The following SRGAP1 variants were observed in gnomAD, a reference collection of about 807,000 sequenced individuals.
SRGAP1 encodes the protein SLIT-ROBO Rho GTPase activating protein 1.
A neutral mutation model predicts 121.9 loss-of-function variants in SRGAP1; 43 were observed. That is an observed-to-expected ratio of 0.35 (90% CI 0.28 to 0.46). SRGAP1 has a LOEUF of 0.46. Ranked by LOEUF, SRGAP1 falls within the 20% of genes least tolerant of loss-of-function variation. The pLI is 1.00. For missense variants in SRGAP1, 1,102 were observed against 1,350.9 expected (o/e 0.82, Z 2.89); for synonymous variants, 447 against 485.4 (o/e 0.92, Z 1.04).
At chr12:63,934,922 G>A (rs1310641215) in intron 1 of SRGAP1, among the ~76,000 whole-genome samples, 1 of 152,054 alleles carries the variant, frequency 6.6e-6, no homozygotes, top group African/African-American at 2.4e-5. Flanking sequence ...AGACATGTTT[G>A]TTCTTGTTTA....
rs781701925 is a variant in SRGAP1, at chr12:63,855,473, GTTTTTTTTTTTTTTT to G, written c.67+10608_67+10622del. On this transcript the variant is annotated intron_variant, in intron 1 of 21. Transcript: ENST00000355086. ...AGCAGCAGTCAACATGAAAAATGGT[GTTTTTTTTTTTTTTT>G]TTTTTTTTTTTTTTTTTGAGGGAGA... Among the ~76,000 whole-genome samples the G allele has an allele frequency of 1.9e-4, 10 of 52,940 alleles. 1 individual carries two copies. Among genetic ancestry groups the G allele is most frequent in the Admixed American group, 1.4e-3 (4 of 2,924 alleles). 34.7% of individuals were successfully genotyped at this position (52,940 alleles called of 152,430 possible).
chr12:64,028,818 G>A (rs7978183), intron 4 of SRGAP1, among the ~76,000 whole-genome samples: 57,666 of 152,042 alleles, frequency 0.38, 11,794 homozygotes, highest in Non-Finnish European at 0.48. Context: ...AACATATGAC[G>A]TTGTGGTGGA....
rs888066609 is a variant in SRGAP1 at position 64,068,805 on chromosome 12, T to G, written c.1125+3586T>G. Among the ~76,000 whole-genome samples the G allele has an allele frequency of 4.0e-5, 6 of 151,054 alleles. 1 individual carries two copies. Among genetic ancestry groups the G allele is most frequent in the Non-Finnish European group, 8.9e-5 (6 of 67,726 alleles). ...CGGGCAGATCTCTTGAGGTCAGGAG[T>G]TCGAGATCAGCCTGGCCAGCATGGC... On this transcript the variant is annotated intron_variant, in intron 8 of 21. Coordinates refer to ENST00000355086, the MANE Select transcript of SRGAP1 (RefSeq NM_020762.4).
intron 1 of SRGAP1, among the ~76,000 whole-genome samples, chr12:63,874,196 T>G (rs188262085): frequency 7.3e-4 from 111 of 152,214 alleles, no homozygotes; most frequent in African/African-American, 2.5e-3. Context: ...TATGGAACCA[T>G]TAGAAAGTAT....
intron 1 of SRGAP1, among the ~76,000 whole-genome samples, chr12:63,896,912 A>G (rs1292459039): frequency 6.6e-6 from 1 of 152,220 alleles, no homozygotes. Flanking sequence ...ACGAAATTAC[A>G]TTTAGAAAAT....
At chr12:63,931,083 A>G (rs1327473585) in intron 1 of SRGAP1, among the ~76,000 whole-genome samples, 3 of 152,178 alleles carry the variant, frequency 2.0e-5, no homozygotes, top group African/African-American at 4.8e-5. Flanking sequence ...GGAATCTTTT[A>G]TAATTGTTAA....
chr12:64,060,637 G>T (rs950433041), intron 6 of SRGAP1, among the ~76,000 whole-genome samples: 2 of 152,124 alleles, frequency 1.3e-5, no homozygotes, highest in Non-Finnish European at 2.9e-5. Context: ...AAATTGGAGG[G>T]TAAAGGTTAG....
rs772793577 is a variant in SRGAP1 at position 64,146,924 on chromosome 12, A to AT, written c.*4253dup. 3.3e-5 allele frequency: 5 copies of AT among 151,806 alleles called. No individual in the cohort carries two copies. The highest frequency in any genetic ancestry group is 5.9e-5 in the Non-Finnish European group (4 of 68,014). The allele number at this position is 151,806 out of a possible 1,614,324, so 9.4% of individuals were successfully genotyped here. On this transcript the variant is annotated 3_prime_UTR_variant, in exon 22 of 22. Transcript: ENST00000355086. Reference sequence around the variant, plus strand: ...AGTCTATGTGGTATAATCGAGATGGATACCTGTGTCTTTAAATTACGTAGG... The same window carrying AT: ...AGTCTATGTGGTATAATCGAGATGGATTACCTGTGTCTTTAAATTACGTAGG...
At chr12:63,991,626 C>T (rs1311289507) in intron 3 of SRGAP1, among the ~76,000 whole-genome samples, 1 of 152,106 alleles carries the variant, frequency 6.6e-6, no homozygotes, top group South Asian at 2.1e-4. Context: ...ATGCAGAGAT[C>T]TCGTTTGGTT....
chr12:63,974,767 G>C (rs918514944), intron 1 of SRGAP1, among the ~76,000 whole-genome samples: 1 of 152,146 alleles, frequency 6.6e-6, no homozygotes, highest in African/African-American at 2.4e-5. Flanking sequence ...TTTTCCTTAA[G>C]ACAGTGACCT....
rs1233587066 is a variant in SRGAP1 at position 64,143,501 on chromosome 12, A to G, written c.*829A>G. The G allele has an allele frequency of 6.6e-6, 1 of 152,178 alleles. No homozygotes were observed. Among genetic ancestry groups the G allele is most frequent in the African/African-American group, 2.4e-5 (1 of 41,430 alleles). 9.4% of individuals were successfully genotyped at this position (152,178 alleles called of 1,614,324 possible). Reference sequence around the variant, plus strand: ...CACTACTCCACGAACTCCTCCAAAGATCCGTTATTCAATAACTGCCTAGAA... The same window carrying G: ...CACTACTCCACGAACTCCTCCAAAGGTCCGTTATTCAATAACTGCCTAGAA... On this transcript the variant is annotated 3_prime_UTR_variant, in exon 22 of 22. Coordinates refer to ENST00000355086, the MANE Select transcript of SRGAP1 (RefSeq NM_020762.4).
intron 1 of SRGAP1, among the ~76,000 whole-genome samples, chr12:63,937,685 C>T (rs572521697): frequency 1.3e-5 from 2 of 152,264 alleles, no homozygotes; most frequent in South Asian, 2.1e-4. Flanking sequence ...GAACAATAAA[C>T]GGCCTTTTGT....
chr12:63,932,521 T>A (rs942397430), intron 1 of SRGAP1, among the ~76,000 whole-genome samples: 25 of 152,336 alleles, frequency 1.6e-4, no homozygotes, highest in African/African-American at 6.0e-4. Context: ...GACCGTCATA[T>A]AGAGAAATCT....
chr12:64,111,820 G>A lies in SRGAP1; in HGVS notation c.1978G>A (p.Gly660Ser). The change falls in exon 17 of 22, where the codon GGC becomes AGC. Residue 660 changes from glycine (G) to serine (S), a missense_variant. Gly to Ser is a moderately conservative substitution (Grantham distance 56). Transcript: ENST00000355086. ...MDPYNLAICF[G>S]PTLMPVPEIQ... Reference sequence around the variant, plus strand: ...CCCTTATAACCTGGCCATTTGCTTTGGCCCAACATTGATGCCTGTCCCAGA... The same window carrying A: ...CCCTTATAACCTGGCCATTTGCTTTAGCCCAACATTGATGCCTGTCCCAGA... The A allele has an allele frequency of 1.2e-6, 2 of 1,613,692 alleles. No individual in the cohort carries two copies. The highest frequency in any genetic ancestry group is 1.7e-6 in the Non-Finnish European group (2 of 1,179,914).
intron 6 of SRGAP1, among the ~76,000 whole-genome samples, chr12:64,059,362 CT>C (rs906807922): frequency 6.6e-6 from 1 of 152,036 alleles, no homozygotes. Context: ...ATTGCTTTCT[CT>C]TTTTTTTCTG....
intron 6 of SRGAP1, among the ~76,000 whole-genome samples, chr12:64,051,425 A>G (rs904207249): frequency 3.3e-5 from 5 of 152,246 alleles, no homozygotes; most frequent in African/African-American, 1.2e-4. Flanking sequence ...ACTCAGCAAC[A>G]TCTGAGCTAT....
chr12:64,016,150 T>C (rs1349498420), intron 3 of SRGAP1, among the ~76,000 whole-genome samples: 1 of 152,114 alleles, frequency 6.6e-6, no homozygotes, highest in African/African-American at 2.4e-5. Context: ...TTTACTGCTT[T>C]GAAAGTGCTT....
At position 64,127,872 on chromosome 12, in the gene SRGAP1, G is replaced by C; in HGVS notation, c.2552G>C (p.Arg851Thr). Residue 851 changes from arginine to threonine, a missense_variant, in exon 21 of 22, where the codon AGA (arginine) becomes ACA (threonine). Around this residue, in one of 3 missense-constraint regions of SRGAP1, gnomAD observed 315 missense variants for 343.1 expected, o/e 0.92. Coordinates refer to ENST00000355086, the MANE Select transcript of SRGAP1 (RefSeq NM_020762.4). ...CTGTGAATGTCTAGGCAACGAAAAA[G>C]AGGAGAGCCACCCCCTCCAGTAAGG... ...PDGYLARQRKRGEPPPPVRRP... is the reference protein window; with the variant it reads ...PDGYLARQRKTGEPPPPVRRP... 6.2e-7 allele frequency: 1 copy of C among 1,609,966 alleles called. No homozygotes were observed. Among genetic ancestry groups the C allele is most frequent in the Non-Finnish European group, 8.5e-7 (1 of 1,177,392 alleles).
intron 1 of SRGAP1, among the ~76,000 whole-genome samples, chr12:63,884,546 A>G (rs986994285): frequency 1.8e-4 from 28 of 152,006 alleles, no homozygotes; most frequent in African/African-American, 6.5e-4. Flanking sequence ...AGAACATTCA[A>G]AAGCCTCTCT....
Sources: allele counts gnomAD v4.1 joint callset (sites outside exome capture counted in the v4.1 genomes callset), GRCh38; gene constraint gnomAD v4.1.1; regional missense constraint gnomAD v4.1.1; transcripts MANE v1.5; gene names NCBI Gene and HGNC (gene_info 2026-07-23, HGNC 2026-07-21).